The following IPPK variants were observed in gnomAD, a reference collection of about 807,000 sequenced individuals.
The protein encoded by IPPK is IPK1 homolog.
In IPPK, 22 loss-of-function variants were observed where a neutral mutation model predicts 64.6. That is an observed-to-expected ratio of 0.34 (90% confidence interval 0.24 to 0.49). The LOEUF (loss-of-function observed/expected upper bound fraction) is 0.49. Among genes scored for constraint, IPPK ranks in the 20% least tolerant of loss-of-function variants. The pLI is 0.99. For missense variants in IPPK, 532 were observed against 630.7 expected, an observed-to-expected ratio of 0.84 and a Z score of 1.68; for synonymous variants, 262 against 247.2, an observed-to-expected ratio of 1.06 and a Z score of -0.56.
chr9:92,634,057 T>C (rs1851892581), intron 11 of IPPK, among the ~76,000 whole-genome samples: 1 of 152,192 alleles, frequency 6.6e-6, no homozygotes, highest in Non-Finnish European at 1.5e-5. Context: ...GGCAAGGGCC[T>C]TGTAGCAAGG....
chr9:92,617,955 T>C (rs1851495097), intron 12 of IPPK: 1 of 309,006 alleles, frequency 3.2e-6, no homozygotes, highest in Admixed American at 4.3e-5. Context: ...TTAAATGTGG[T>C]CAATCTATCT....
chr9:92,638,167 CCCA>C lies in IPPK; in HGVS notation c.747_749del (p.Ser249_Gly250delinsArg). Reference sequence around the variant, plus strand: ...TGATCACAGCCCTTGTGCAGTGGGGCCCACTGGCCAGGCCGTTGGAAGGGAAGA... The same window carrying C: ...TGATCACAGCCCTTGTGCAGTGGGGCCTGGCCAGGCCGTTGGAAGGGAAGA... On this transcript the variant is annotated inframe_deletion, in exon 9 of 13. Transcript: ENST00000287996. 2 of 1,614,236 alleles carry C rather than the reference CCCA, an allele frequency of 1.2e-6. No homozygotes were observed. Among genetic ancestry groups the C allele is most frequent in the Non-Finnish European group, 1.7e-6 (2 of 1,180,042 alleles).
chr9:92,668,363 G>C (rs919197564), intron 1 of IPPK, among the ~76,000 whole-genome samples: 2 of 152,194 alleles, frequency 1.3e-5, no homozygotes, highest in African/African-American at 2.4e-5. Flanking sequence ...CTCAGGGAAG[G>C]GGGTGGACAC....
intron 3 of IPPK, among the ~76,000 whole-genome samples, chr9:92,655,704 T>C (rs1015638622): frequency 1.3e-5 from 2 of 152,108 alleles, no homozygotes; most frequent in African/African-American, 4.8e-5. Flanking sequence ...AGGAGAAAAC[T>C]TGTCACGGCA....
At position 92,637,995 on chromosome 9, in the gene IPPK, C is replaced by A; in HGVS notation, c.916+6G>T. The A allele has an allele frequency of 6.4e-7, 1 of 1,552,634 alleles. No individual in the cohort carries two copies. Among genetic ancestry groups the A allele is most frequent in the East Asian group, 2.4e-5 (1 of 42,466 alleles). On this transcript the variant is annotated splice_donor_region_variant and intron_variant, in intron 9 of 12. Coordinates refer to ENST00000287996, the MANE Select transcript of IPPK (RefSeq NM_022755.6). Reference sequence around the variant, plus strand: ...CACCGCCTACCTGGGGAAGGCTGGGCCCTACCTTGGCAGCGAAGGCTCCTA... The same window carrying A: ...CACCGCCTACCTGGGGAAGGCTGGGACCTACCTTGGCAGCGAAGGCTCCTA...
intron 4 of IPPK, among the ~76,000 whole-genome samples, chr9:92,650,762 G>C (rs1385225231): frequency 6.6e-6 from 1 of 152,098 alleles, no homozygotes; most frequent in Non-Finnish European, 1.5e-5. Context: ...AACACCCTTA[G>C]CCCAGGAACT....
intron 9 of IPPK, 85 bp downstream of exon 9, chr9:92,637,916 C>A (rs1315134704): frequency 3.6e-6 from 5 of 1,385,976 alleles, no homozygotes; most frequent in Non-Finnish European, 4.7e-6. Context: ...GGAGGCTGTG[C>A]TGACCGCCTG....
chr9:92,623,572 T>A (rs1229585085), intron 11 of IPPK, among the ~76,000 whole-genome samples: 1 of 151,132 alleles, frequency 6.6e-6, no homozygotes, highest in African/African-American at 2.4e-5. Flanking sequence ...AAAAGACAAC[T>A]CTACCAAAAA....
At chr9:92,616,100 T>G in intron 12 of IPPK, 43 bp from the exon 13 acceptor site, 1 of 1,355,906 alleles carries the variant, frequency 7.4e-7, no homozygotes, top group Non-Finnish European at 1.0e-6. Context: ...AAGCCCCCCA[T>G]TCATTTCCCT....
intron 11 of IPPK, among the ~76,000 whole-genome samples, chr9:92,629,707 CAA>C (rs201735483): frequency 5.8e-4 from 55 of 94,626 alleles, no homozygotes; most frequent in Admixed American, 1.0e-3. Context: ...GATTCTATCT[CAA>C]AAAAAAAAAA....
rs1851324648 is a variant in IPPK at position 92,613,196 on chromosome 9, A to G, written c.*2636T>C. 1 of 1,611,180 alleles carries G rather than the reference A, an allele frequency of 6.2e-7. No individual in the cohort carries two copies. Among genetic ancestry groups the G allele is most frequent in the Non-Finnish European group, 8.5e-7 (1 of 1,177,584 alleles). ...GGATGAAGATGCTGCGTGGAGGAAC[A>G]TGCAATTTTATTCAATATAAACATT... is the stretch of plus-strand genomic sequence containing the variant. On this transcript the variant is annotated 3_prime_UTR_variant, in exon 13 of 13. Transcript: ENST00000287996.
chr9:92,618,243 G>T (rs1006000749), intron 12 of IPPK: 1 of 456,548 alleles, frequency 2.2e-6, no homozygotes, highest in Admixed American at 2.3e-5. Flanking sequence ...GATGGTTCCA[G>T]TGCCTACACC....
intron 3 of IPPK, 71 bp from the exon 4 acceptor site, chr9:92,652,710 TGCCTA>T: frequency 2.7e-6 from 2 of 747,730 alleles, no homozygotes; most frequent in Non-Finnish European, 4.4e-6. Flanking sequence ...CAGAACTGCA[TGCCTA>T]AAAACAGTTG....
Position 92,615,667 on chromosome 9 carries a change from G to T in IPPK, c.*165C>A. On this transcript the variant is annotated 3_prime_UTR_variant, in exon 13 of 13. Transcript: ENST00000287996. ...TCCTACATTCCTTGTCCAGGAAGTT[G>T]TTTCTAGTGCTCTTCAATTCCATGT... is the stretch of plus-strand genomic sequence containing the variant. The T allele has an allele frequency of 3.4e-6, 2 of 593,136 alleles. No individual in the cohort carries two copies. The highest frequency in any genetic ancestry group is 6.0e-6 in the Non-Finnish European group (2 of 333,618). 36.7% of individuals were successfully genotyped at this position (593,136 alleles called of 1,614,324 possible). A position where few individuals can be genotyped will look rare whatever the true frequency, so the allele number is the denominator to read the frequency against.
intron 5 of IPPK, 35 bp downstream of exon 5, chr9:92,649,418 C>T (rs1342002281): frequency 1.2e-6 from 2 of 1,613,112 alleles, no homozygotes; most frequent in East Asian, 2.2e-5. Flanking sequence ...TGACCTTTCC[C>T]CTTTACCCAC....
Position 92,635,362 on chromosome 9 carries a change from AG to A in IPPK, c.917-55del, listed in dbSNP as rs768834376. On this transcript the variant is annotated intron_variant, in intron 9 of 12. Transcript: ENST00000287996. The surrounding 1 kb of genome is among the most constrained non-coding windows in gnomAD (Gnocchi z 4.4). ...GCATGTTGATTATCAAAGAACGTGG[AG>A]GGAGACACAGGCCGGCGCAGACCGC... The A allele has an allele frequency of 6.4e-7, 1 of 1,572,304 alleles. No individual in the cohort carries two copies.
chr9:92,668,629 C>T (rs1309897152), intron 1 of IPPK, among the ~76,000 whole-genome samples: 4 of 152,226 alleles, frequency 2.6e-5, no homozygotes, highest in Admixed American at 2.6e-4. Flanking sequence ...GGGATCAGCA[C>T]AGTAACCCAA....
At position 92,670,115 on chromosome 9, in the gene IPPK, A is replaced by C. The variant is rs2131471056; in HGVS notation, c.-127T>G. ...GCCTGTCAGCTGCCGCCCCCGCTCG[A>C]CCCCGCCGCGGCGACTAGCAAGCTG... is the stretch of plus-strand genomic sequence containing the variant. On this transcript the variant is annotated 5_prime_UTR_variant, in exon 1 of 13. Coordinates refer to ENST00000287996, the MANE Select transcript of IPPK (RefSeq NM_022755.6). 1.7e-6 allele frequency: 1 copy of C among 585,874 alleles called. No homozygotes were observed. Among genetic ancestry groups the C allele is most frequent in the South Asian group, 2.4e-5 (1 of 41,230 alleles). The allele number at this position is 585,874 out of a possible 1,614,324, so 36.3% of individuals were successfully genotyped here. A position where few individuals can be genotyped will look rare whatever the true frequency, so the allele number is the denominator to read the frequency against.
At position 92,638,128 on chromosome 9, in the gene IPPK, G is replaced by A. The variant is rs1464768123; in HGVS notation, c.789C>T (p.His263=). The A allele has an allele frequency of 1.2e-5, 19 of 1,614,158 alleles. No homozygotes were observed. The highest frequency in any genetic ancestry group is 5.3e-5 in the African/African-American group (4 of 75,052). The change falls in exon 9 of 13, where the codon CAC becomes CAT. Residue 263 remains histidine, a synonymous_variant. Transcript: ENST00000287996. ...CTRAVIRELV[H]VITRVLLSGS... ...CACTCAGCAGCACCCGTGTGATCAC[G>A]TGCACCAGCTCCCTGATCACAGCCC...
Sources: allele counts gnomAD v4.1 joint callset (sites outside exome capture counted in the v4.1 genomes callset), GRCh38; gene constraint gnomAD v4.1.1; non-coding constraint Gnocchi (gnomAD v3.1); transcripts MANE v1.5; gene names NCBI Gene and HGNC (gene_info 2026-07-23, HGNC 2026-07-21).